Variants in ITGA9 observed in about 807,000 individuals in gnomAD.
ITGA9 encodes the protein integrin alpha-9.
ITGA9 carries 56 observed loss-of-function variants against 127.8 expected under a neutral mutation model. The observed-to-expected ratio is 0.44, with a 90% CI of 0.35 to 0.55. The LOEUF (loss-of-function observed/expected upper bound fraction) is 0.55, where lower values mean the gene tolerates loss of function less well. Ranked by LOEUF, ITGA9 falls within the 20% of genes least tolerant of loss-of-function variation. The pLI is 0.00. For missense variants in ITGA9, 1,196 were observed against 1,347.1 expected, an observed-to-expected ratio of 0.89 and a Z score of 1.76; for synonymous variants, 508 against 514.5, an observed-to-expected ratio of 0.99 and a Z score of 0.17.
intron 13 of ITGA9, among the ~76,000 whole-genome samples, chr3:37,527,449 C>T (rs553984615): frequency 2.0e-5 from 3 of 152,196 alleles, no homozygotes; most frequent in Non-Finnish European, 2.9e-5. Flanking sequence ...GCTTCTCAGT[C>T]TTGTGTCTTT....
intron 15 of ITGA9, among the ~76,000 whole-genome samples, chr3:37,554,953 A>T (rs1699416083): frequency 6.6e-6 from 1 of 152,130 alleles, no homozygotes; most frequent in African/African-American, 2.4e-5. Flanking sequence ...TCAATTTGGG[A>T]GTCGCCAGCA....
intron 16 of ITGA9, among the ~76,000 whole-genome samples, chr3:37,641,758 C>T (rs546098000): frequency 3.5e-4 from 53 of 152,300 alleles, no homozygotes; most frequent in African/African-American, 1.2e-3. Flanking sequence ...TACTGCATTC[C>T]CACCACCCTC....
At chr3:37,512,374 C>G (rs2125576721) in intron 8 of ITGA9, among the ~76,000 whole-genome samples, 1 of 151,406 alleles carries the variant, frequency 6.6e-6, no homozygotes, top group African/African-American at 2.4e-5. Flanking sequence ...TGCCTGCCAC[C>G]ACGCCTGGCT....
chr3:37,503,153 T>A, intron 5 of ITGA9, 25 bp from the exon 6 acceptor site: 1 of 1,613,450 alleles, frequency 6.2e-7, no homozygotes, highest in Non-Finnish European at 8.5e-7. Context: ...CCTTCTCTGC[T>A]TACCGTTGGA....
chr3:37,483,802 C>A (rs566380744), intron 4 of ITGA9, among the ~76,000 whole-genome samples: 4 of 152,198 alleles, frequency 2.6e-5, no homozygotes, highest in African/African-American at 9.6e-5. Context: ...TCTGTGTTGT[C>A]ATTCTCCTGT....
At chr3:37,627,498 C>T (rs754569062) in intron 15 of ITGA9, among the ~76,000 whole-genome samples, 13 of 152,150 alleles carry the variant, frequency 8.5e-5, no homozygotes, top group Non-Finnish European at 1.6e-4. Context: ...TTCTGTGGCC[C>T]CGTACACGTA....
chr3:37,561,748 A>G (rs946440601), intron 15 of ITGA9, among the ~76,000 whole-genome samples: 1 of 152,138 alleles, frequency 6.6e-6, no homozygotes, highest in Admixed American at 6.5e-5. Context: ...GTGCTGATCA[A>G]ACTTTCCGCG....
chr3:37,513,768 C>G lies in ITGA9; in HGVS notation c.903C>G (p.Gly301=), dbSNP rs780725623. ...KIFQASGKKM[G]SYFGSSLCAV... is the part of the protein sequence containing the mutation. ...GCAACTCAACTTGGTTGCAGATGGG[C>G]TCTTACTTCGGCTCCTCCTTGTGCG... Residue 301 remains glycine (G), a synonymous_variant, in exon 9 of 28, where the codon GGC becomes GGG. Transcript: ENST00000264741. The G allele has an allele frequency of 4.3e-6, 7 of 1,614,126 alleles. No homozygotes were observed. Among genetic ancestry groups the G allele is most frequent in the Middle Eastern group, 3.3e-4 (2 of 6,010 alleles).
intron 5 of ITGA9, among the ~76,000 whole-genome samples, chr3:37,501,436 A>G (rs1698785885): frequency 1.3e-5 from 2 of 152,240 alleles, no homozygotes; most frequent in African/African-American, 4.8e-5. Context: ...TATTAATTAA[A>G]AAAATTAATA....
intron 5 of ITGA9, among the ~76,000 whole-genome samples, chr3:37,494,955 G>A (rs1410475083): frequency 1.3e-5 from 2 of 152,164 alleles, no homozygotes; most frequent in Non-Finnish European, 2.9e-5. Context: ...CCTCCTAGCA[G>A]CCTTCTCTCC....
At chr3:37,695,182 G>A (rs1406932360) in intron 18 of ITGA9, among the ~76,000 whole-genome samples, 4 of 152,188 alleles carry the variant, frequency 2.6e-5, no homozygotes, top group Non-Finnish European at 5.9e-5. Context: ...GTGGTAGAAA[G>A]TGGTCCTAGG....
At chr3:37,615,540 A>G (rs9714362) in intron 15 of ITGA9, among the ~76,000 whole-genome samples, 108,916 of 152,096 alleles carry the variant, frequency 0.72, 39,335 homozygotes, top group East Asian at 0.8. Context: ...CAGAAGGAAT[A>G]GTCCCAGCTC....
chr3:37,717,499 C>T (rs546047758), intron 18 of ITGA9, among the ~76,000 whole-genome samples: 5 of 152,224 alleles, frequency 3.3e-5, no homozygotes, highest in South Asian at 4.1e-4. Context: ...ACAGGAAGCA[C>T]GACTAGGAGG....
intron 27 of ITGA9, among the ~76,000 whole-genome samples, chr3:37,815,436 C>A (rs2125567869): frequency 6.6e-6 from 1 of 152,192 alleles, no homozygotes; most frequent in Admixed American, 6.5e-5. Flanking sequence ...AGATGAAACC[C>A]CGTCTCTACT....
chr3:37,508,668 A>G (rs2125573407), intron 8 of ITGA9, 41 bp downstream of exon 8: 1 of 1,517,156 alleles, frequency 6.6e-7, no homozygotes, highest in Admixed American at 1.7e-5. Flanking sequence ...TATTTGAGAG[A>G]TGTGATCATG....
At chr3:37,542,336 G>A in intron 14 of ITGA9, 89 bp from the exon 15 acceptor site, 7 of 1,355,246 alleles carry the variant, frequency 5.2e-6, no homozygotes, top group Non-Finnish European at 7.4e-6. Context: ...CATATGAGAT[G>A]TGCATGTGAT....
At position 37,518,261 on chromosome 3, in the gene ITGA9, G is replaced by A. The variant is rs1468397318; in HGVS notation, c.1141+652G>A. Among the ~76,000 whole-genome samples the A allele has an allele frequency of 2.0e-5, 3 of 152,214 alleles. No individual in the cohort carries two copies. The South Asian group carries it at 6.2e-4, about 32-fold the overall frequency. ...ATACACAGCATACAGACGTCGGGAG[G>A]CAGAGCAACCATGTCACCAGGGCAT... is the stretch of plus-strand genomic sequence containing the variant. On this transcript the variant is annotated intron_variant, in intron 10 of 27. Coordinates refer to ENST00000264741, the MANE Select transcript of ITGA9 (RefSeq NM_002207.3).
At chr3:37,494,052 T>C (rs1286536527) in intron 4 of ITGA9, among the ~76,000 whole-genome samples, 1 of 152,110 alleles carries the variant, frequency 6.6e-6, no homozygotes, top group Non-Finnish European at 1.5e-5. Flanking sequence ...TCTTTTTGGA[T>C]GGTAGGAGGC....
At chr3:37,631,879 C>T (rs992744674) in intron 16 of ITGA9, among the ~76,000 whole-genome samples, 15 of 152,210 alleles carry the variant, frequency 9.9e-5, no homozygotes, top group Non-Finnish European at 4.4e-5. Flanking sequence ...AGCCAGGCAT[C>T]GCCTTCTCTA....
Sources: gnomAD v4.1 joint callset for allele counts (sites outside exome capture counted in the v4.1 genomes callset) on GRCh38, gnomAD v4.1.1 for gene constraint, MANE v1.5 for transcripts, NCBI Gene and HGNC (gene_info 2026-07-23, HGNC 2026-07-21) for gene names.